RP1: variants seen among roughly 807,000 people sequenced by gnomAD.
RP1 encodes the protein RP1 axonemal microtubule associated.
Under a neutral mutation model 14.8 loss-of-function variants are expected in RP1, and 16 were observed. That is an observed-to-expected ratio of 1.08 (90% CI 0.73 to 1.65). The LOEUF is 1.65. Among genes scored for constraint, RP1 ranks in the 40% most tolerant of loss-of-function variants. RP1 has a pLI of 0.00. For missense variants in RP1, 2,631 were observed against 2,535.0 expected, an observed-to-expected ratio of 1.04 and a Z score of -0.81; for synonymous variants, 876 against 883.6, an observed-to-expected ratio of 0.99 and a Z score of 0.15.
intron 14 of RP1, among the ~76,000 whole-genome samples, chr8:54,703,940 A>G (rs1055556156): frequency 6.6e-6 from 1 of 152,180 alleles, no homozygotes; most frequent in African/African-American, 2.4e-5. Flanking sequence ...ATAGAATTGT[A>G]GAGAGTTAGG....
intron 23 of RP1, among the ~76,000 whole-genome samples, chr8:54,781,810 T>G (rs944760256): frequency 6.6e-6 from 1 of 152,292 alleles, no homozygotes; most frequent in African/African-American, 2.4e-5. Flanking sequence ...TAACTGCAGA[T>G]GATGTTCATT....
intron 1 of RP1, among the ~76,000 whole-genome samples, chr8:54,599,559 A>G (rs1407969558): frequency 6.6e-6 from 1 of 151,814 alleles, no homozygotes; most frequent in Non-Finnish European, 1.5e-5. Flanking sequence ...CCTGGCTTCA[A>G]TCAGTTCTCA....
intron 24 of RP1, among the ~76,000 whole-genome samples, chr8:54,798,354 CTA>C (rs558308007): frequency 2.0e-5 from 3 of 152,046 alleles, no homozygotes; most frequent in Non-Finnish European, 4.4e-5. Flanking sequence ...AGCAATATTT[CTA>C]TGAGTGGAAT....
chr8:54,647,723 C>G (rs989137352), intron 3 of RP1, among the ~76,000 whole-genome samples: 1 of 151,370 alleles, frequency 6.6e-6, no homozygotes, highest in Non-Finnish European at 1.5e-5. Context: ...GGTTCTTGCT[C>G]TATTGCCCAG....
chr8:54,823,090 T>C (rs1811298072), intron 24 of RP1, among the ~76,000 whole-genome samples: 1 of 152,060 alleles, frequency 6.6e-6, no homozygotes, highest in African/African-American at 2.4e-5. Context: ...TTATCAGGTG[T>C]ATAGCACTCG....
chr8:54,612,078 T>G (rs2375083), upstream of RP1, among the ~76,000 whole-genome samples: 46,344 of 152,004 alleles, frequency 0.3, 8,766 homozygotes, highest in Middle Eastern at 0.5. Context: ...TGCGGTTGCT[T>G]TTGAATATCT....
At chr8:54,851,830 G>A (rs1021288669) in intron 25 of RP1, among the ~76,000 whole-genome samples, 3 of 152,052 alleles carry the variant, frequency 2.0e-5, no homozygotes, top group Admixed American at 6.5e-5. Context: ...TGAGTTCTTC[G>A]GAAAATGTTA....
At chr8:54,721,346 G>C (rs1296446976) in intron 16 of RP1, among the ~76,000 whole-genome samples, 1 of 152,210 alleles carries the variant, frequency 6.6e-6, no homozygotes, top group Non-Finnish European at 1.5e-5. Flanking sequence ...TGCCTCTGGA[G>C]CTCTGAAGGG....
intron 24 of RP1, among the ~76,000 whole-genome samples, chr8:54,814,956 C>T (rs1337093061): frequency 6.6e-6 from 1 of 152,214 alleles, no homozygotes; most frequent in African/African-American, 2.4e-5. Flanking sequence ...TTGCAGTGAG[C>T]CGAGATTGCA....
At position 54,652,816 on chromosome 8, in the gene RP1, C is replaced by A. The variant is rs539936792; in HGVS notation, c.988C>A (p.Arg330Ser). Residue 330 changes from arginine to serine, a missense_variant, in exon 5 of 23, where the codon CGT (arginine) becomes AGT (serine). Arg to Ser is a moderately radical substitution (Grantham distance 110). Coordinates refer to the RP1 transcript ENST00000636932. ...AGACATTGGAGCACTCTTTAAGATT[C>A]GTATTGGTCATACCAACTCTGGATC... The A allele has an allele frequency of 2.0e-6, 3 of 1,535,806 alleles. No individual in the cohort carries two copies. The East Asian group carries it at 7.3e-5, about 38-fold the overall frequency.
intron 3 of RP1, among the ~76,000 whole-genome samples, chr8:54,643,165 A>T (rs1806482788): frequency 6.6e-6 from 1 of 152,184 alleles, no homozygotes; most frequent in Non-Finnish European, 1.5e-5. Flanking sequence ...TTTGGGTTAT[A>T]ACTTTTACAA....
chr8:54,765,107 G>A (rs904227505), intron 22 of RP1, among the ~76,000 whole-genome samples: 2 of 152,208 alleles, frequency 1.3e-5, no homozygotes, highest in African/African-American at 2.4e-5. Context: ...CCAGCAGGCC[G>A]CATCTCCATG....
At chr8:54,826,054 G>A (rs1310532151) in intron 24 of RP1, among the ~76,000 whole-genome samples, 3 of 152,174 alleles carry the variant, frequency 2.0e-5, no homozygotes, top group African/African-American at 7.2e-5. Flanking sequence ...TGGTGACAGA[G>A]TGAGCCTGAC....
intron 21 of RP1, chr8:54,758,915 G>C: frequency 6.5e-7 from 1 of 1,534,960 alleles, no homozygotes; most frequent in Non-Finnish European, 8.7e-7. Flanking sequence ...TCTGTCTCCT[G>C]CACCAGATTG....
intron 19 of RP1, among the ~76,000 whole-genome samples, chr8:54,749,346 C>CA (rs1809304175): frequency 6.6e-6 from 1 of 151,392 alleles, no homozygotes; most frequent in Admixed American, 6.6e-5. Flanking sequence ...AAAAACAAAA[C>CA]AAAAAACAAG....
At chr8:54,866,587 T>C (rs1812464759) in intron 28 of RP1, among the ~76,000 whole-genome samples, 1 of 152,210 alleles carries the variant, frequency 6.6e-6, no homozygotes, top group Non-Finnish European at 1.5e-5. Flanking sequence ...ATAGAAATTA[T>C]GTAGTTAAGT....
chr8:54,722,426 G>T (rs544433646), intron 16 of RP1, among the ~76,000 whole-genome samples: 1 of 151,748 alleles, frequency 6.6e-6, no homozygotes, highest in Non-Finnish European at 1.5e-5. Context: ...GCCCGCCACC[G>T]CGCCCAGCTA....
intron 24 of RP1, among the ~76,000 whole-genome samples, chr8:54,809,175 C>G (rs1213239732): frequency 6.6e-6 from 1 of 152,164 alleles, no homozygotes; most frequent in African/African-American, 2.4e-5. Flanking sequence ...AAATGTGGCT[C>G]TATACAAGAT....
chr8:54,590,440 A>G (rs1294111378), intron 1 of RP1, among the ~76,000 whole-genome samples: 1 of 152,120 alleles, frequency 6.6e-6, no homozygotes, highest in Non-Finnish European at 1.5e-5. Flanking sequence ...AGTGATTTAT[A>G]TACCCAATCA....
Sources: gnomAD v4.1 joint callset for allele counts (sites outside exome capture counted in the v4.1 genomes callset) on GRCh38, gnomAD v4.1.1 for gene constraint, MANE v1.5 for transcripts, NCBI Gene and HGNC (gene_info 2026-07-23, HGNC 2026-07-21) for gene names.